The following DNAH8 variants were observed in gnomAD, a reference collection of about 807,000 sequenced individuals.
DNAH8 encodes the protein axonemal beta dynein heavy chain 8.
A neutral mutation model predicts 562.1 loss-of-function variants in DNAH8; 382 were observed. The observed-to-expected ratio is 0.68, with a 90% confidence interval of 0.63 to 0.74. The LOEUF is 0.74. Ranked by LOEUF, DNAH8 falls within the 30% of genes least tolerant of loss-of-function variation. The pLI, the probability that DNAH8 is intolerant of heterozygous loss-of-function variation, is 0.00. For synonymous variants in DNAH8, 1,881 were observed against 1,919.4 expected, an observed-to-expected ratio of 0.98 and a Z score of 0.52; for missense variants, 5,203 against 5,620.4, an observed-to-expected ratio of 0.93 and a Z score of 2.37.
chr6:38,727,147 C>T (rs1022085764), intron 3 of DNAH8, among the ~76,000 whole-genome samples: 6 of 151,992 alleles, frequency 3.9e-5, no homozygotes, highest in East Asian at 1.9e-4. Context: ...TGTGGGCCAC[C>T]GTGCTGGGCC....
At chr6:38,882,699 T>C (rs371801480) in intron 53 of DNAH8, among the ~76,000 whole-genome samples, 112 of 152,262 alleles carry the variant, frequency 7.4e-4, no homozygotes, top group African/African-American at 2.5e-3. Context: ...AACCTGAAAG[T>C]TTTTTTAAAA....
chr6:38,837,140 A>G (rs1774369459), intron 32 of DNAH8, among the ~76,000 whole-genome samples: 1 of 152,214 alleles, frequency 6.6e-6, no homozygotes, highest in Non-Finnish European at 1.5e-5. Flanking sequence ...CTAGGAACTA[A>G]GAGTTCATTC....
chr6:38,904,285 A>G (rs1780278734), intron 62 of DNAH8, among the ~76,000 whole-genome samples: 1 of 152,170 alleles, frequency 6.6e-6, no homozygotes, highest in Non-Finnish European at 1.5e-5. Flanking sequence ...TTCTGGAGAT[A>G]GCAATATAGA....
chr6:38,974,053 T>C (rs1763516766), intron 84 of DNAH8, among the ~76,000 whole-genome samples: 1 of 152,186 alleles, frequency 6.6e-6, no homozygotes, highest in Non-Finnish European at 1.5e-5. Flanking sequence ...CTGATCAATG[T>C]ACTTAGTTTA....
At chr6:38,908,227 CAT>C in intron 64 of DNAH8, 107 bp downstream of exon 64, 4 of 623,210 alleles carry the variant, frequency 6.4e-6, no homozygotes, top group Non-Finnish European at 9.9e-6. Flanking sequence ...AATATTTTTA[CAT>C]TGAATTAAAA....
chr6:38,728,945 C>T (rs2127572559), intron 3 of DNAH8, among the ~76,000 whole-genome samples: 1 of 152,250 alleles, frequency 6.6e-6, no homozygotes, highest in South Asian at 2.1e-4. Context: ...GTGGCTAATA[C>T]CTATAATCCC....
At chr6:39,005,814 G>C (rs896602325) in intron 88 of DNAH8, among the ~76,000 whole-genome samples, 2 of 152,166 alleles carry the variant, frequency 1.3e-5, no homozygotes, top group African/African-American at 4.8e-5. Flanking sequence ...CAGTGTAATT[G>C]TTATTTCTTT....
At chr6:38,736,854 A>G (rs1227810338) in intron 5 of DNAH8, among the ~76,000 whole-genome samples, 1 of 152,232 alleles carries the variant, frequency 6.6e-6, no homozygotes. Context: ...ATGAAACATC[A>G]CTTTGATGAG....
At chr6:38,936,646 T>G (rs1454749148) in intron 77 of DNAH8, among the ~76,000 whole-genome samples, 3 of 152,202 alleles carry the variant, frequency 2.0e-5, no homozygotes, top group Non-Finnish European at 2.9e-5. Context: ...TGAAGTTGTC[T>G]GTTTCTTGGT....
chr6:38,764,096 G>C (rs1766764732), intron 11 of DNAH8: 1 of 153,368 alleles, frequency 6.5e-6, no homozygotes, highest in South Asian at 2.1e-4. Context: ...TTTGTGATAG[G>C]CTTCAACTAG....
intron 82 of DNAH8, among the ~76,000 whole-genome samples, chr6:38,959,110 G>A (rs141322429): frequency 2.9e-4 from 44 of 152,198 alleles, no homozygotes; most frequent in African/African-American, 9.6e-4. Context: ...AACTAATTAG[G>A]TATGAAGGAA....
rs192222343 is a variant in DNAH8 at position 38,857,802 on chromosome 6, A to G, written c.5958+60A>G. ...CTAATAATGAACAGCTAAGAATTGT[A>G]TATGTTGCCTAACTTACATGAACTT... On this transcript the variant is annotated intron_variant, in intron 42 of 92. Coordinates refer to ENST00000327475, the MANE Select transcript of DNAH8 (RefSeq NM_001206927.2). The G allele has an allele frequency of 1.3e-3, 1,451 of 1,079,532 alleles. 13 individuals carry two copies. Among genetic ancestry groups the G allele is most frequent in the Middle Eastern group, 0.011 (44 of 3,940 alleles). The allele number at this position is 1,079,532 out of a possible 1,614,324, so 66.9% of individuals were successfully genotyped here. A position where few individuals can be genotyped will look rare whatever the true frequency, so the allele number is the denominator to read the frequency against.
chr6:38,821,113 CA>C (rs957208736), intron 26 of DNAH8, among the ~76,000 whole-genome samples: 3 of 152,016 alleles, frequency 2.0e-5, no homozygotes, highest in African/African-American at 7.2e-5. Flanking sequence ...CTCACACACA[CA>C]AAAAAACCCC....
intron 82 of DNAH8, among the ~76,000 whole-genome samples, chr6:38,958,296 C>T (rs1023719202): frequency 2.0e-5 from 3 of 151,606 alleles, no homozygotes; most frequent in African/African-American, 4.8e-5. Context: ...TGAGCCACCG[C>T]GCCCGGCCGA....
chr6:39,006,046 T>C (rs1583553872), intron 88 of DNAH8, among the ~76,000 whole-genome samples: 2 of 152,194 alleles, frequency 1.3e-5, no homozygotes, highest in Non-Finnish European at 2.9e-5. Context: ...CAGCAAGAAA[T>C]TGGGTACCTC....
intron 82 of DNAH8, among the ~76,000 whole-genome samples, chr6:38,965,545 G>C (rs1013798540): frequency 6.6e-6 from 1 of 152,138 alleles, no homozygotes; most frequent in African/African-American, 2.4e-5. Flanking sequence ...ATAAGAAAAA[G>C]TGGAAGAGAC....
chr6:38,862,176 T>C, intron 43 of DNAH8, 104 bp from the exon 44 acceptor site: 1 of 1,010,152 alleles, frequency 9.9e-7, no homozygotes, highest in South Asian at 1.7e-5. Flanking sequence ...CTACTCAGAC[T>C]CTAAAATAAA....
chr6:38,981,478 T>A (rs1764032732), intron 85 of DNAH8, among the ~76,000 whole-genome samples: 2 of 152,234 alleles, frequency 1.3e-5, no homozygotes, highest in South Asian at 4.1e-4. Flanking sequence ...TCTTAGGCCC[T>A]CTTTGATTAA....
chr6:38,994,188 A>G (rs917043683), intron 88 of DNAH8, among the ~76,000 whole-genome samples: 4 of 152,178 alleles, frequency 2.6e-5, no homozygotes, highest in Non-Finnish European at 5.9e-5. Context: ...CTTAAGGGCT[A>G]TTTATATATA....
Sources: gnomAD v4.1 joint callset for allele counts (sites outside exome capture counted in the v4.1 genomes callset) on GRCh38, gnomAD v4.1.1 for gene constraint, MANE v1.5 for transcripts, NCBI Gene and HGNC (gene_info 2026-07-23, HGNC 2026-07-21) for gene names.